Variants in DPYSL5 observed in about 807,000 individuals in gnomAD.
DPYSL5 encodes the protein dihydropyrimidinase-related protein 5.
In DPYSL5, 9 loss-of-function variants were observed where a neutral mutation model predicts 58.4. The ratio of observed to expected loss-of-function variants is 0.15; its 90% confidence interval spans 0.09 to 0.27. The LOEUF is 0.27. Ranked by LOEUF, DPYSL5 falls within the 10% of genes least tolerant of loss-of-function variation. The pLI is 1.00. For missense variants in DPYSL5, 499 were observed against 770.6 expected (o/e 0.65, Z 4.17); for synonymous variants, 293 against 301.9 (o/e 0.97, Z 0.31).
intron 1 of DPYSL5, among the ~76,000 whole-genome samples, chr2:26,896,699 C>T (rs1664030348): frequency 6.6e-6 from 1 of 152,178 alleles, no homozygotes; most frequent in South Asian, 2.1e-4. Flanking sequence ...AATGTCTATT[C>T]AGGTTCTGTG....
intron 2 of DPYSL5, among the ~76,000 whole-genome samples, chr2:26,912,282 TCA>T (rs905923483): frequency 8.5e-5 from 13 of 152,212 alleles, no homozygotes; most frequent in Non-Finnish European, 1.2e-4. Context: ...GCCCATTGAC[TCA>T]CAGCCCCCGT....
At chr2:26,926,415 C>A (rs1356097013) in intron 3 of DPYSL5, among the ~76,000 whole-genome samples, 1 of 152,194 alleles carries the variant, frequency 6.6e-6, no homozygotes, top group African/African-American at 2.4e-5. Flanking sequence ...AGCACAGAAG[C>A]CAGGCCAACC....
In DPYSL5 at chr2:26,927,542, G is replaced by T; in HGVS notation, c.600+110G>T. 1 of 1,390,128 alleles carries T rather than the reference G, an allele frequency of 7.2e-7. No homozygotes were observed. The highest frequency in any genetic ancestry group is 1.4e-5 in the South Asian group (1 of 69,900). The allele number at this position is 1,390,128 out of a possible 1,614,324, so 86.1% of individuals were successfully genotyped here. On this transcript the variant is annotated intron_variant, in intron 4 of 12. Coordinates refer to ENST00000288699, the MANE Select transcript of DPYSL5 (RefSeq NM_020134.4). The surrounding 1 kb of genome is among the most constrained non-coding windows in gnomAD (Gnocchi z 4.3). ...ATCCCACAGGATTCAGACAAAATCA[G>T]TTGTTAAAGTGTGAGGTGTGGACAC... is the stretch of plus-strand genomic sequence containing the variant.
chr2:26,942,506 C>T lies in DPYSL5; in HGVS notation c.1233-37C>T. On this transcript the variant is annotated intron_variant, in intron 10 of 12. Coordinates refer to ENST00000288699, the MANE Select transcript of DPYSL5 (RefSeq NM_020134.4). This position sits in a 1 kb window ranked among gnomAD's most constrained non-coding sequence, Gnocchi z 5.9. ...TGGAGCTGTGACATTTTGACCTGTCCTCAGCGCTTTCTCTCCCGCCATTGC... is the reference window on the plus strand; with the variant it reads ...TGGAGCTGTGACATTTTGACCTGTCTTCAGCGCTTTCTCTCCCGCCATTGC... 6.3e-7 allele frequency: 1 copy of T among 1,594,106 alleles called. No homozygotes were observed. Among genetic ancestry groups the T allele is most frequent in the South Asian group, 1.1e-5 (1 of 88,598 alleles).
rs1259837818 is a variant in DPYSL5 at position 26,927,807 on chromosome 2, C to G, written c.600+375C>G. Among the ~76,000 whole-genome samples the G allele has an allele frequency of 6.6e-6, 1 of 152,134 alleles. No homozygotes were observed. The highest frequency in any genetic ancestry group is 1.9e-4 in the East Asian group (1 of 5,188). Reference sequence around the variant, plus strand: ...TTCCCATTTGGCCTCTTCAGAGGATCTGAGACATTAAAGAGATCTATTCAT... The same window carrying G: ...TTCCCATTTGGCCTCTTCAGAGGATGTGAGACATTAAAGAGATCTATTCAT... On this transcript the variant is annotated intron_variant, in intron 4 of 12. Coordinates refer to ENST00000288699, the MANE Select transcript of DPYSL5 (RefSeq NM_020134.4). This position sits in a 1 kb window ranked among gnomAD's most constrained non-coding sequence, Gnocchi z 4.3.
rs1188874454 is a variant in DPYSL5 at position 26,927,568 on chromosome 2, C to T, written c.600+136C>T. 3.7e-6 allele frequency: 4 copies of T among 1,076,598 alleles called. No homozygotes were observed. In the East Asian group the frequency reaches 1.1e-4, roughly 29 times the overall value. The allele number at this position is 1,076,598 out of a possible 1,614,324, so 66.7% of individuals were successfully genotyped here. ...TTGTTAAAGTGTGAGGTGTGGACAC[C>T]CCAGCTGTCAGATCTTGGTCAGAAA... On this transcript the variant is annotated intron_variant, in intron 4 of 12. Coordinates refer to ENST00000288699, the MANE Select transcript of DPYSL5 (RefSeq NM_020134.4). The surrounding 1 kb of genome is among the most constrained non-coding windows in gnomAD (Gnocchi z 4.3).
At position 26,933,328 on chromosome 2, in the gene DPYSL5, T is replaced by C. The variant is rs780744088; in HGVS notation, c.785T>C (p.Met262Thr). 1.2e-6 allele frequency: 2 copies of C among 1,613,886 alleles called. No individual in the cohort carries two copies. Among genetic ancestry groups the C allele is most frequent in the Non-Finnish European group, 1.7e-6 (2 of 1,179,952 alleles). ...GGTGACGTTATCGCAGCTGCTAAGA[T>C]GCAAGGTGAGTCCATAGACTTGGCT... ...SAGDVIAAAK[M>T]QGKVVLAETT... The change falls in exon 7 of 13, where the codon ATG (methionine) becomes ACG (threonine). Residue 262 changes from methionine (M) to threonine (T), a missense_variant. By Grantham distance (81) the Met-to-Thr change is moderately conservative. This residue lies in a region of DPYSL5 where 404 missense variants were observed against 647.6 expected (regional missense o/e 0.62). Transcript: ENST00000288699. The surrounding 1 kb of genome is among the most constrained non-coding windows in gnomAD (Gnocchi z 4.2).
Position 26,934,842 on chromosome 2 carries a change from G to A in DPYSL5, c.947+108G>A. On this transcript the variant is annotated intron_variant, in intron 8 of 12. Coordinates refer to ENST00000288699, the MANE Select transcript of DPYSL5 (RefSeq NM_020134.4). The surrounding 1 kb of genome is among the most constrained non-coding windows in gnomAD (Gnocchi z 4.3). ...TAGGTTTGATTTCATTGTGCCCATAGGATCATTGTGCTTTTCTTACCTTCT... is the reference window on the plus strand; with the variant it reads ...TAGGTTTGATTTCATTGTGCCCATAAGATCATTGTGCTTTTCTTACCTTCT... The A allele has an allele frequency of 4.9e-6, 7 of 1,430,488 alleles. No individual in the cohort carries two copies. Among genetic ancestry groups the A allele is most frequent in the Non-Finnish European group, 6.7e-6 (7 of 1,047,238 alleles). The allele number at this position is 1,430,488 out of a possible 1,614,324, so 88.6% of individuals were successfully genotyped here. A position where few individuals can be genotyped will look rare whatever the true frequency, so the allele number is the denominator to read the frequency against.
At chr2:26,939,989 A>C (rs760378840) in intron 8 of DPYSL5, 42 bp from the exon 9 acceptor site, 3 of 1,610,468 alleles carry the variant, frequency 1.9e-6, no homozygotes, top group South Asian at 1.1e-5. Context: ...TAAGTTCCTC[A>C]CCTCCCCTCC....
intron 9 of DPYSL5, 31 bp from the exon 10 acceptor site, chr2:26,941,919 G>A (rs1665331598): frequency 1.2e-6 from 2 of 1,613,580 alleles, no homozygotes; most frequent in Non-Finnish European, 1.7e-6. Flanking sequence ...CCCAGAGCCT[G>A]GTTGACTTGA....
rs748093983 is a variant in DPYSL5, at chr2:26,944,659, T to C, written c.1444T>C (p.Leu482=). The C allele has an allele frequency of 6.2e-7, 1 of 1,613,646 alleles. No homozygotes were observed. The highest frequency in any genetic ancestry group is 8.5e-7 in the Non-Finnish European group (1 of 1,179,726). Reference sequence around the variant, plus strand: ...CTCTTCTTCCATCCTTCCCTAGACTTTAAAGGTTAGAGGAGTGGACCGCAC... The same window carrying C: ...CTCTTCTTCCATCCTTCCCTAGACTCTAAAGGTTAGAGGAGTGGACCGCAC... ...YKKLVQREKT[L]KVRGVDRTPY... Residue 482 remains leucine, a synonymous_variant, in exon 12 of 13, where the codon TTA becomes CTA. Transcript: ENST00000288699. The surrounding 1 kb of genome is among the most constrained non-coding windows in gnomAD (Gnocchi z 4.4).
At chr2:26,878,985 C>T (rs1479184234) in intron 1 of DPYSL5, among the ~76,000 whole-genome samples, 1 of 152,192 alleles carries the variant, frequency 6.6e-6, no homozygotes, top group African/African-American at 2.4e-5. Context: ...TACCGGCAGC[C>T]CTTCCAGCTC....
intron 1 of DPYSL5, among the ~76,000 whole-genome samples, chr2:26,853,565 C>T (rs1665805435): frequency 6.6e-6 from 1 of 152,152 alleles, no homozygotes; most frequent in Admixed American, 6.5e-5. Context: ...ATCAGTTCTC[C>T]AGGATAACTG....
At chr2:26,861,443 T>C (rs1269403710) in intron 1 of DPYSL5, among the ~76,000 whole-genome samples, 2 of 152,210 alleles carry the variant, frequency 1.3e-5, no homozygotes, top group East Asian at 3.9e-4. Flanking sequence ...GCTTGATGAA[T>C]ACCTGCACTG....
Position 26,881,984 on chromosome 2 carries a change from G to A in DPYSL5, c.-4-16512G>A, listed in dbSNP as rs564989550. Among the ~76,000 whole-genome samples the A allele has an allele frequency of 4.6e-5, 7 of 151,536 alleles. No homozygotes were observed. The South Asian group carries it at 1.0e-3, about 23-fold the overall frequency. The stretch of plus-strand genomic sequence containing the variant: ...TGGGCACCTGCAGTCTCAGCTACTC[G>A]GGAGGCTGAGGCAGGAGAATGGCGT... On this transcript the variant is annotated intron_variant, in intron 1 of 12. Transcript: ENST00000288699.
At chr2:26,931,197 G>GTATATATATATATATATATA (rs1345488521) in intron 5 of DPYSL5, among the ~76,000 whole-genome samples, 2 of 52,506 alleles carry the variant, frequency 3.8e-5, no homozygotes, top group Non-Finnish European at 8.8e-5. Context: ...GTGTGTGTGT[G>GTATATATATATATATATATA]TGTGTGTATA....
At chr2:26,930,227 GAGAGC>G (rs56956849) in intron 5 of DPYSL5, among the ~76,000 whole-genome samples, 56,931 of 151,698 alleles carry the variant, frequency 0.38, 11,144 homozygotes, top group Admixed American at 0.53. Flanking sequence ...GAGAACAGGA[GAGAGC>G]AAGGGGTGGA....
intron 2 of DPYSL5, among the ~76,000 whole-genome samples, chr2:26,901,383 C>G (rs193141927): frequency 2.6e-5 from 4 of 152,246 alleles, no homozygotes; most frequent in Non-Finnish European, 5.9e-5. Flanking sequence ...AATTCCTGCC[C>G]TTGACCCCTC....
At chr2:26,853,567 G>A (rs1282576144) in intron 1 of DPYSL5, among the ~76,000 whole-genome samples, 1 of 152,126 alleles carries the variant, frequency 6.6e-6, no homozygotes, top group East Asian at 1.9e-4. Flanking sequence ...CAGTTCTCCA[G>A]GATAACTGGA....
Sources: allele counts gnomAD v4.1 joint callset (sites outside exome capture counted in the v4.1 genomes callset), GRCh38; gene constraint gnomAD v4.1.1; regional missense constraint gnomAD v4.1.1; non-coding constraint Gnocchi (gnomAD v3.1); transcripts MANE v1.5; gene names NCBI Gene and HGNC (gene_info 2026-07-23, HGNC 2026-07-21).